Variants in DACH2 observed in about 807,000 individuals in gnomAD.
DACH2 encodes dachshund family transcription factor 2, also known as dachshund homolog 2.
Under a neutral mutation model 35.8 loss-of-function variants are expected in DACH2, and 17 were observed. That is an observed-to-expected ratio of 0.48 (90% CI 0.33 to 0.71). The LOEUF (loss-of-function observed/expected upper bound fraction) is 0.71, where lower values mean the gene tolerates loss of function less well. DACH2 is among the 30% of genes least tolerant of loss of function. The pLI, the probability that DACH2 is intolerant of heterozygous loss-of-function variation, is 0.02. For synonymous variants in DACH2, 195 were observed against 177.3 expected, an observed-to-expected ratio of 1.10 and a Z score of -0.79; for missense variants, 469 against 472.7, an observed-to-expected ratio of 0.99 and a Z score of 0.07.
chrX:86,442,330 C>A (rs1452931345), intron 2 of DACH2, among the ~76,000 whole-genome samples: 1 of 86,870 alleles, frequency 1.2e-5, no homozygotes, highest in Non-Finnish European at 2.2e-5. Context: ...CTATTCAGGT[C>A]TTTTGCTCAT....
At chrX:86,344,024 T>C (rs913901346) in intron 1 of DACH2, among the ~76,000 whole-genome samples, 1 of 110,051 alleles carries the variant, frequency 9.1e-6, no homozygotes, top group Admixed American at 9.8e-5. Flanking sequence ...CTAAAGTCAA[T>C]AATGACTTAT....
chrX:86,479,444 T>C lies in DACH2; in HGVS notation c.528-34835T>C, dbSNP rs903834035. On this transcript the variant is annotated intron_variant, in intron 2 of 11. Coordinates refer to ENST00000373125, the MANE Select transcript of DACH2 (RefSeq NM_053281.3). ...CATATCAGTTTGATTATTAAGTTCC[T>C]TGAGGTAGTCTTTTTTGGGGTTAAA... is the stretch of plus-strand genomic sequence containing the variant. Among the ~76,000 whole-genome samples the C allele has an allele frequency of 5.4e-5, 6 of 111,507 alleles. 1 individual carries two copies. The highest frequency in any genetic ancestry group is 9.4e-5 in the Non-Finnish European group (5 of 53,115).
intron 1 of DACH2, among the ~76,000 whole-genome samples, chrX:86,232,688 C>T (rs929387135): frequency 5.4e-5 from 6 of 111,876 alleles, no homozygotes; most frequent in African/African-American, 1.3e-4. Flanking sequence ...AACAAACAAA[C>T]AAACAGATAC....
At chrX:86,168,605 G>A (rs1376489479) in intron 1 of DACH2, among the ~76,000 whole-genome samples, 4 of 97,404 alleles carry the variant, frequency 4.1e-5, no homozygotes, top group Non-Finnish European at 8.4e-5. Context: ...TCCTTTCTTC[G>A]TCTAGTAAGG....
chrX:86,259,704 A>G (rs750228167), intron 1 of DACH2, among the ~76,000 whole-genome samples: 3 of 112,203 alleles, frequency 2.7e-5, no homozygotes, highest in African/African-American at 9.7e-5. Context: ...TGTTTGTTCA[A>G]TTGAAGTGAC....
intron 3 of DACH2, among the ~76,000 whole-genome samples, chrX:86,546,391 TCTTCTTCTTCTTC>T (rs60521101): frequency 2.9e-4 from 22 of 75,922 alleles, no homozygotes; most frequent in African/African-American, 1.3e-3. Context: ...TTCTTCTTCT[TCTTCTTCTTCTTC>T]CTTCTTCTTC....
In DACH2 at chrX:86,739,851, C is replaced by T. The variant is rs2041635650; in HGVS notation, c.1209C>T (p.Pro403=). The T allele has an allele frequency of 8.3e-7, 1 of 1,202,547 alleles. No individual in the cohort carries two copies. The highest frequency in any genetic ancestry group is 1.1e-6 in the Non-Finnish European group (1 of 891,426). Residue 403 remains proline (P), a synonymous_variant, in exon 7 of 12, where the codon CCC becomes CCT. Transcript: ENST00000373125. ...SHTSSSVSSS[P]SQMDHHLERM... The stretch of plus-strand genomic sequence containing the variant: ...CCAGCAGCAGTGTGTCCAGCTCTCC[C>T]TCTCAGATGGATCATCATTTGGAAA...
intron 2 of DACH2, among the ~76,000 whole-genome samples, chrX:86,415,565 A>G (rs2148149888): frequency 8.9e-6 from 1 of 112,095 alleles, no homozygotes; most frequent in Non-Finnish European, 1.9e-5. Context: ...GCCTTGGTGT[A>G]GCTTTTTCTT....
At chrX:86,426,474 A>C (rs1874389476) in intron 2 of DACH2, among the ~76,000 whole-genome samples, 1 of 112,040 alleles carries the variant, frequency 8.9e-6, no homozygotes, top group Admixed American at 9.5e-5. Flanking sequence ...TTACCAAAGA[A>C]AGTTATTGTA....
At chrX:86,149,873 G>A (rs1401157175) in intron 1 of DACH2, among the ~76,000 whole-genome samples, 1 of 111,943 alleles carries the variant, frequency 8.9e-6, no homozygotes, top group African/African-American at 3.3e-5. Flanking sequence ...CACTGTGGCT[G>A]GGACTGGATT....
rs1242495050 is a variant in DACH2, at chrX:86,290,572, T to C, written c.489-86252T>C. 2.7e-5 allele frequency among the ~76,000 whole-genome samples: 3 copies of C among 109,143 alleles called. No homozygotes were observed. In the East Asian group the frequency reaches 8.7e-4, roughly 32 times the overall value. The allele number at this position is 109,143 out of a possible 115,157, so 94.8% of individuals were successfully genotyped here. On this transcript the variant is annotated intron_variant, in intron 1 of 11. Coordinates refer to ENST00000373125, the MANE Select transcript of DACH2 (RefSeq NM_053281.3). ...TGGTTTTAGGTCTGACGTTTAAGTC[T>C]TTAATACATCTTGAATTGATTTTTG... is the stretch of plus-strand genomic sequence containing the variant.
intron 4 of DACH2, among the ~76,000 whole-genome samples, chrX:86,677,482 C>T (rs899583879): frequency 8.0e-5 from 9 of 111,965 alleles, no homozygotes; most frequent in African/African-American, 2.9e-4. Context: ...ACCACAATTA[C>T]GGTAAAATGG....
At chrX:86,694,541 T>C (rs1019716045) in intron 4 of DACH2, among the ~76,000 whole-genome samples, 2 of 112,439 alleles carry the variant, frequency 1.8e-5, no homozygotes, top group Admixed American at 9.5e-5. Flanking sequence ...CTAGTGTGTA[T>C]GAATAGATTT....
At chrX:86,282,096 A>G (rs762036301) in intron 1 of DACH2, among the ~76,000 whole-genome samples, 2 of 112,258 alleles carry the variant, frequency 1.8e-5, no homozygotes, top group African/African-American at 3.2e-5. Flanking sequence ...TATAGATTCA[A>G]TGCTATCCCC....
At chrX:86,703,505 TG>T (rs1318383985) in intron 5 of DACH2, among the ~76,000 whole-genome samples, 14 of 111,512 alleles carry the variant, frequency 1.3e-4, no homozygotes, top group African/African-American at 4.2e-4. Context: ...ACAATATGAT[TG>T]TATACGTAGA....
At chrX:86,723,448 C>T (rs982058438) in intron 6 of DACH2, among the ~76,000 whole-genome samples, 1 of 110,012 alleles carries the variant, frequency 9.1e-6, no homozygotes, top group African/African-American at 3.3e-5. Flanking sequence ...AAACTTCCCT[C>T]TTAGCACAAT....
chrX:86,430,640 A>G (rs964568469), intron 2 of DACH2, among the ~76,000 whole-genome samples: 1 of 112,174 alleles, frequency 8.9e-6, no homozygotes, highest in Non-Finnish European at 1.9e-5. Context: ...CCATAAGGCC[A>G]TTTCCTACAG....
At chrX:86,657,968 T>C (rs1028954363) in intron 4 of DACH2, among the ~76,000 whole-genome samples, 2 of 111,772 alleles carry the variant, frequency 1.8e-5, no homozygotes, top group Non-Finnish European at 1.9e-5. Flanking sequence ...CCATTGATTC[T>C]TGCCATTTAA....
At chrX:86,337,106 G>A (rs1367153236) in intron 1 of DACH2, among the ~76,000 whole-genome samples, 1 of 111,207 alleles carries the variant, frequency 9.0e-6, no homozygotes, top group Non-Finnish European at 1.9e-5. Context: ...TTTGATTGGT[G>A]TACCTGAAAG....
Sources: allele counts gnomAD v4.1 joint callset (sites outside exome capture counted in the v4.1 genomes callset), GRCh38; gene constraint gnomAD v4.1.1; transcripts MANE v1.5; gene names NCBI Gene and HGNC (gene_info 2026-07-23, HGNC 2026-07-21).